TNFRSF1B: variants seen among roughly 807,000 people sequenced by gnomAD.
TNFRSF1B encodes the protein tumor necrosis factor receptor superfamily member 1B.
TNFRSF1B carries 19 observed loss-of-function variants against 44.6 expected under a neutral mutation model. That is an observed-to-expected ratio of 0.43 (90% CI 0.30 to 0.62). The LOEUF is 0.62. Ranked by LOEUF, TNFRSF1B falls within the 20% of genes least tolerant of loss-of-function variation. The pLI is 0.16. For synonymous variants in TNFRSF1B, 252 were observed against 261.1 expected (o/e 0.97, Z 0.34); for missense variants, 541 against 619.9 (o/e 0.87, Z 1.35).
chr1:12,194,768 G>C, intron 8 of TNFRSF1B, 150 bp downstream of exon 8: 1 of 940,318 alleles, frequency 1.1e-6, no homozygotes, highest in East Asian at 2.5e-5. Flanking sequence ...AGGCCGGGGA[G>C]TCAGGCAGCC....
rs17880756 is a variant in TNFRSF1B, at chr1:12,181,796, A to G, written c.79-7000A>G. Among the ~76,000 whole-genome samples the G allele has an allele frequency of 1.6e-3, 236 of 151,934 alleles. 2 individuals carry two copies. The highest frequency in any genetic ancestry group is 2.7e-3 in the Non-Finnish European group (182 of 67,918). ...TCTCCAGAGGCCCAGGACCAGCCCA[A>G]CTCTGCCCCACATCCCAGCCCCCAC... On this transcript the variant is annotated intron_variant, in intron 1 of 9. Coordinates refer to ENST00000376259, the MANE Select transcript of TNFRSF1B (RefSeq NM_001066.3).
chr1:12,190,851 T>C, intron 2 of TNFRSF1B, 106 bp from the exon 3 acceptor site: 1 of 1,395,876 alleles, frequency 7.2e-7, no homozygotes, highest in Non-Finnish European at 9.7e-7. Flanking sequence ...CAGAATAGCC[T>C]TCCCAGCTGG....
At chr1:12,198,092 A>G (rs948967478) in intron 8 of TNFRSF1B, among the ~76,000 whole-genome samples, 1 of 145,462 alleles carries the variant, frequency 6.9e-6, no homozygotes, top group African/African-American at 2.6e-5. Flanking sequence ...ACTGCACTCC[A>G]GCCTGGGCGA....
intron 9 of TNFRSF1B, 146 bp from the exon 10 acceptor site, chr1:12,206,594 A>G (rs887207289): frequency 5.9e-6 from 5 of 848,982 alleles, no homozygotes; most frequent in African/African-American, 5.1e-5. Context: ...GCTCAAGGTC[A>G]CACAGCAGAG....
chr1:12,191,910 C>T lies in TNFRSF1B; in HGVS notation c.444C>T (p.Gly148=). 1.2e-6 allele frequency: 2 copies of T among 1,608,888 alleles called. No homozygotes were observed. The highest frequency in any genetic ancestry group is 8.5e-7 in the Non-Finnish European group (1 of 1,178,286). Residue 148 remains glycine, a synonymous_variant, in exon 4 of 10, where the codon GGC becomes GGT. Coordinates refer to ENST00000376259, the MANE Select transcript of TNFRSF1B (RefSeq NM_001066.3). ...APLRKCRPGF[G]VARPGTETSD... is the part of the protein sequence containing the mutation. Reference sequence around the variant, plus strand: ...TGCGCAAGTGCCGCCCGGGCTTCGGCGTGGCCAGACCAGGTACGGGGTGGG... The same window carrying T: ...TGCGCAAGTGCCGCCCGGGCTTCGGTGTGGCCAGACCAGGTACGGGGTGGG...
rs1638759345 is a variant in TNFRSF1B at position 12,180,160 on chromosome 1, C to T, written c.79-8636C>T. On this transcript the variant is annotated intron_variant, in intron 1 of 9. Coordinates refer to ENST00000376259, the MANE Select transcript of TNFRSF1B (RefSeq NM_001066.3). This position sits in a 1 kb window ranked among gnomAD's most constrained non-coding sequence, Gnocchi z 4.3. ...GAAAAGCCATGAAGGCCGGGCACAG[C>T]GGCTCACGCCTGTAATCCCAGCACT... Among the ~76,000 whole-genome samples the T allele has an allele frequency of 6.6e-6, 1 of 152,062 alleles. No homozygotes were observed. The highest frequency in any genetic ancestry group is 2.1e-4 in the South Asian group (1 of 4,834).
chr1:12,194,683 A>G, intron 8 of TNFRSF1B, 65 bp downstream of exon 8: 2 of 1,581,514 alleles, frequency 1.3e-6, no homozygotes, highest in Non-Finnish European at 1.7e-6. Flanking sequence ...CTGGGCTGTC[A>G]CAGAGGAAGC....
At chr1:12,193,527 C>T (rs748295361) in intron 6 of TNFRSF1B, among the ~76,000 whole-genome samples, 4 of 152,188 alleles carry the variant, frequency 2.6e-5, no homozygotes, top group Non-Finnish European at 4.4e-5. Context: ...GAGCTCTGAT[C>T]GTGCCACTGC....
intron 1 of TNFRSF1B, among the ~76,000 whole-genome samples, chr1:12,183,758 TAG>T (rs1638902151): frequency 2.7e-5 from 3 of 111,398 alleles, no homozygotes; most frequent in Non-Finnish European, 6.5e-5. Context: ...TCTAGCTAGC[TAG>T]CTAGCTAGCT....
intron 8 of TNFRSF1B, among the ~76,000 whole-genome samples, chr1:12,197,153 G>A (rs1639284480): frequency 6.6e-6 from 1 of 151,912 alleles, no homozygotes; most frequent in African/African-American, 2.4e-5. Context: ...TTGCCATGTT[G>A]GCCAGGCTGG....
intron 1 of TNFRSF1B, among the ~76,000 whole-genome samples, chr1:12,185,470 TC>T (rs1638963674): frequency 6.6e-6 from 1 of 152,040 alleles, no homozygotes; most frequent in Non-Finnish European, 1.5e-5. Flanking sequence ...TGAGAAGGCT[TC>T]TCCTTTTGTC....
At chr1:12,182,541 A>G (rs1178532879) in intron 1 of TNFRSF1B, among the ~76,000 whole-genome samples, 1 of 151,930 alleles carries the variant, frequency 6.6e-6, no homozygotes, top group Non-Finnish European at 1.5e-5. Flanking sequence ...CACCTACAAC[A>G]CTGGGTGCTC....
At chr1:12,193,208 G>C (rs1639190465) in intron 6 of TNFRSF1B, 110 bp downstream of exon 6, 4 of 1,000,130 alleles carry the variant, frequency 4.0e-6, no homozygotes, top group Non-Finnish European at 6.1e-6. Flanking sequence ...GCTGGACCCT[G>C]TGCCCTGTCC....
At chr1:12,182,461 G>A (rs1638834186) in intron 1 of TNFRSF1B, among the ~76,000 whole-genome samples, 1 of 152,186 alleles carries the variant, frequency 6.6e-6, no homozygotes, top group African/African-American at 2.4e-5. Flanking sequence ...ACGTGCATGT[G>A]TCTCCCCAGC....
At chr1:12,188,968 G>A (rs1291694834) in intron 2 of TNFRSF1B, 73 bp downstream of exon 2, 10 of 1,368,958 alleles carry the variant, frequency 7.3e-6, no homozygotes, top group Non-Finnish European at 1.0e-5. Context: ...TGGGGCGCAA[G>A]AGCATAGCCC....
At position 12,180,981 on chromosome 1, in the gene TNFRSF1B, C is replaced by A. The variant is rs1477933769; in HGVS notation, c.79-7815C>A. 6.6e-6 allele frequency among the ~76,000 whole-genome samples: 1 copy of A among 152,214 alleles called. No individual in the cohort carries two copies. The highest frequency in any genetic ancestry group is 1.5e-5 in the Non-Finnish European group (1 of 68,036). Reference sequence around the variant, plus strand: ...CCAAGGTCCCTGTCAAGGAGGACCACATCTGGCCTGTTGCACTCTTCTCCT... The same window carrying A: ...CCAAGGTCCCTGTCAAGGAGGACCAAATCTGGCCTGTTGCACTCTTCTCCT... On this transcript the variant is annotated intron_variant, in intron 1 of 9. Transcript: ENST00000376259. The surrounding 1 kb of genome is among the most constrained non-coding windows in gnomAD (Gnocchi z 4.3).
chr1:12,175,836 C>A (rs1027794798), intron 1 of TNFRSF1B, among the ~76,000 whole-genome samples: 1 of 152,162 alleles, frequency 6.6e-6, no homozygotes, highest in Non-Finnish European at 1.5e-5. Flanking sequence ...ACCTCCTAAC[C>A]GCTGAGCCCT....
In TNFRSF1B at chr1:12,169,980, T is replaced by C. The variant is rs113058379; in HGVS notation, c.78+2811T>C. On this transcript the variant is annotated intron_variant, in intron 1 of 9. Coordinates refer to ENST00000376259, the MANE Select transcript of TNFRSF1B (RefSeq NM_001066.3). This position sits in a 1 kb window ranked among gnomAD's most constrained non-coding sequence, Gnocchi z 4.5. ...AGAGGTTGGGGGCTCCCAGGCTGGA[T>C]GTCAAAGAGGAGTTGGGTGATCTGG... 6.4e-4 allele frequency among the ~76,000 whole-genome samples: 97 copies of C among 152,264 alleles called. 1 individual carries two copies. Among genetic ancestry groups the C allele is most frequent in the African/African-American group, 2.1e-3 (88 of 41,542 alleles).
chr1:12,204,816 A>ACC (rs1557641708), intron 9 of TNFRSF1B, among the ~76,000 whole-genome samples: 16 of 151,458 alleles, frequency 1.1e-4, no homozygotes, highest in African/African-American at 3.9e-4. Flanking sequence ...CACCACCACC[A>ACC]ACAAAAAAAC....
Sources: gnomAD v4.1 joint callset for allele counts (sites outside exome capture counted in the v4.1 genomes callset) on GRCh38, gnomAD v4.1.1 for gene constraint, Gnocchi (gnomAD v3.1) non-coding constraint, MANE v1.5 for transcripts, NCBI Gene and HGNC (gene_info 2026-07-23, HGNC 2026-07-21) for gene names.